Variants in SLC9A9 observed in about 807,000 individuals in gnomAD.
The protein encoded by SLC9A9 is solute carrier family 9 member A9, also known as sodium/hydrogen exchanger 9.
Under a neutral mutation model 77.8 loss-of-function variants are expected in SLC9A9, and 62 were observed. The ratio of observed to expected loss-of-function variants is 0.80; its 90% CI spans 0.65 to 0.98. SLC9A9 has a LOEUF of 0.98. SLC9A9 is among the 50% of genes least tolerant of loss of function. SLC9A9 has a pLI of 0.00. For missense variants in SLC9A9, 775 were observed against 774.9 expected (o/e 1.00, Z 0.00); for synonymous variants, 320 against 283.5 (o/e 1.13, Z -1.29).
intron 5 of SLC9A9, among the ~76,000 whole-genome samples, chr3:143,659,947 A>G (rs574522775): frequency 6.6e-6 from 1 of 152,290 alleles, no homozygotes; most frequent in South Asian, 2.1e-4. Flanking sequence ...TGAGGGATTC[A>G]TAAAGGGAAG....
At chr3:143,573,720 C>T (rs1388779476) in intron 8 of SLC9A9, among the ~76,000 whole-genome samples, 1 of 152,104 alleles carries the variant, frequency 6.6e-6, no homozygotes, top group Non-Finnish European at 1.5e-5. Flanking sequence ...TGTTAAGAGC[C>T]ACTGAAAGCC....
intron 6 of SLC9A9, among the ~76,000 whole-genome samples, chr3:143,600,146 A>G (rs908732536): frequency 1.3e-5 from 2 of 152,076 alleles, no homozygotes; most frequent in African/African-American, 2.4e-5. Flanking sequence ...CATCATCTAC[A>G]TTAGGTATTT....
intron 4 of SLC9A9, among the ~76,000 whole-genome samples, chr3:143,760,746 C>T (rs533258680): frequency 4.6e-4 from 70 of 152,218 alleles, no homozygotes; most frequent in African/African-American, 1.5e-3. Flanking sequence ...TCATCAATAT[C>T]GTGAAAATGG....
intron 9 of SLC9A9, among the ~76,000 whole-genome samples, chr3:143,546,387 T>C (rs949350662): frequency 2.6e-5 from 4 of 152,242 alleles, no homozygotes; most frequent in African/African-American, 9.6e-5. Flanking sequence ...ACAAAGAATC[T>C]GGCTTTTCAA....
At chr3:143,449,838 G>T (rs377319728) in intron 12 of SLC9A9, among the ~76,000 whole-genome samples, 9 of 62,694 alleles carry the variant, frequency 1.4e-4, no homozygotes, top group East Asian at 4.7e-4. Context: ...ATAATTATAT[G>T]TATTATATAT....
intron 4 of SLC9A9, among the ~76,000 whole-genome samples, chr3:143,749,032 CT>C (rs923204574): frequency 6.6e-6 from 1 of 151,374 alleles, no homozygotes; most frequent in African/African-American, 2.4e-5. Context: ...AACTTCAAGT[CT>C]TTTTTTTTCT....
intron 6 of SLC9A9, among the ~76,000 whole-genome samples, chr3:143,619,990 C>T (rs941790246): frequency 2.6e-5 from 4 of 152,120 alleles, no homozygotes; most frequent in Non-Finnish European, 4.4e-5. Flanking sequence ...TCTTTGGTCA[C>T]CTAATACCTT....
At chr3:143,700,541 T>C (rs549011639) in intron 4 of SLC9A9, among the ~76,000 whole-genome samples, 3 of 152,290 alleles carry the variant, frequency 2.0e-5, no homozygotes, top group African/African-American at 7.2e-5. Context: ...GTACTTCCTG[T>C]GGGCCTATAG....
At chr3:143,298,955 G>A (rs2030396993) in intron 14 of SLC9A9, among the ~76,000 whole-genome samples, 1 of 152,090 alleles carries the variant, frequency 6.6e-6, no homozygotes, top group South Asian at 2.1e-4. Flanking sequence ...CATCTTCCTG[G>A]GTCTTAGTTT....
At chr3:143,828,728 G>C (rs933977158) in intron 2 of SLC9A9, among the ~76,000 whole-genome samples, 3 of 152,152 alleles carry the variant, frequency 2.0e-5, no homozygotes, top group Admixed American at 6.5e-5. Flanking sequence ...GCCATTTTAG[G>C]TGAAAGGAAT....
chr3:143,495,213 T>G, intron 10 of SLC9A9, 122 bp downstream of exon 10: 2 of 791,670 alleles, frequency 2.5e-6, no homozygotes, highest in Non-Finnish European at 4.3e-6. Flanking sequence ...CGTATCTGCC[T>G]TGTGTCTGAG....
chr3:143,650,219 A>G (rs1051707635), intron 6 of SLC9A9, among the ~76,000 whole-genome samples: 4 of 152,194 alleles, frequency 2.6e-5, no homozygotes, highest in African/African-American at 9.7e-5. Context: ...TGGAGATGCA[A>G]TGTTTGAACT....
At chr3:143,486,025 C>T (rs903453861) in intron 11 of SLC9A9, among the ~76,000 whole-genome samples, 2 of 151,750 alleles carry the variant, frequency 1.3e-5, no homozygotes, top group Admixed American at 1.3e-4. Context: ...TTGAAAGTAC[C>T]AAGAGAGAAG....
intron 14 of SLC9A9, among the ~76,000 whole-genome samples, chr3:143,279,943 T>G (rs939814817): frequency 1.2e-4 from 19 of 152,122 alleles, no homozygotes; most frequent in Non-Finnish European, 1.3e-4. Flanking sequence ...CCTCAGCCTC[T>G]CGAGTAGCTG....
At chr3:143,459,684 A>C (rs838610) in intron 12 of SLC9A9, among the ~76,000 whole-genome samples, 106,813 of 151,892 alleles carry the variant, frequency 0.7, 38,270 homozygotes, top group African/African-American at 0.83. Context: ...TATAGGGTCG[A>C]TTTCTCAAAC....
intron 5 of SLC9A9, among the ~76,000 whole-genome samples, chr3:143,670,054 A>AAAACTCT (rs2039134033): frequency 6.6e-6 from 1 of 152,188 alleles, no homozygotes; most frequent in African/African-American, 2.4e-5. Context: ...AGAAATGTTA[A>AAAACTCT]AAACTCTTCT....
intron 14 of SLC9A9, among the ~76,000 whole-genome samples, chr3:143,329,550 C>T (rs76137993): frequency 0.022 from 3,323 of 152,268 alleles, 108 homozygotes; most frequent in African/African-American, 0.075. Context: ...TGCCATCCTC[C>T]CATATGGCAG....
chr3:143,474,966 T>G (rs1181727283), intron 11 of SLC9A9, among the ~76,000 whole-genome samples: 4 of 151,404 alleles, frequency 2.6e-5, no homozygotes, highest in African/African-American at 9.7e-5. Flanking sequence ...CAGGTTTTTT[T>G]TTTTTTTTTT....
chr3:143,588,711 A>G (rs142083380), intron 6 of SLC9A9, among the ~76,000 whole-genome samples: 3 of 152,356 alleles, frequency 2.0e-5, no homozygotes, highest in South Asian at 2.1e-4. Context: ...TTGAGAGGAA[A>G]GTGAATTTGA....
Sources: gnomAD v4.1 joint callset for allele counts (sites outside exome capture counted in the v4.1 genomes callset) on GRCh38, gnomAD v4.1.1 for gene constraint, MANE v1.5 for transcripts, NCBI Gene and HGNC (gene_info 2026-07-23, HGNC 2026-07-21) for gene names.